The following MRPL37 variants were observed in gnomAD, a reference collection of about 807,000 sequenced individuals.
MRPL37 encodes the protein large ribosomal subunit protein mL37.
In MRPL37, 34 loss-of-function variants were observed where a neutral mutation model predicts 44.1. The observed-to-expected ratio is 0.77, with a 90% CI of 0.59 to 1.03. The LOEUF is 1.03. Among genes scored for constraint, MRPL37 ranks in the 50% least tolerant of loss-of-function variants. The pLI is 0.00. For missense variants in MRPL37, 532 were observed against 543.7 expected (o/e 0.98, Z 0.21); for synonymous variants, 212 against 219.5 (o/e 0.97, Z 0.30).
At chr1:54,223,339 C>A (rs1477487884), downstream of MRPL37, among the ~76,000 whole-genome samples, 7 of 152,216 alleles carry the variant, frequency 4.6e-5, no homozygotes, top group Non-Finnish European at 1.0e-4. Context: ...GGGTCAGAGC[C>A]CTCTGAGGGA....
At chr1:54,216,391 C>T (rs1644197838) in intron 6 of MRPL37, 47 bp downstream of exon 6, 4 of 1,588,188 alleles carry the variant, frequency 2.5e-6, no homozygotes, top group African/African-American at 2.7e-5. Flanking sequence ...CATGCCTCCT[C>T]CTACCTGGTG....
downstream of MRPL37, among the ~76,000 whole-genome samples, chr1:54,219,550 A>G (rs1024637579): frequency 6.6e-6 from 1 of 152,018 alleles, no homozygotes; most frequent in Non-Finnish European, 1.5e-5. Flanking sequence ...CAAGCACCTC[A>G]CCTCCTAGGG....
At chr1:54,218,073 T>TA in intron 6 of MRPL37, 99 bp from the exon 7 acceptor site, 2 of 1,078,162 alleles carry the variant, frequency 1.9e-6, no homozygotes, top group Non-Finnish European at 2.9e-6. Flanking sequence ...AAAAGAAAGT[T>TA]ACTGTCCAGG....
chr1:54,209,913 C>G, intron 3 of MRPL37, 33 bp from the exon 4 acceptor site: 1 of 1,604,196 alleles, frequency 6.2e-7, no homozygotes, highest in Non-Finnish European at 8.5e-7. Context: ...GCCTTTAGTA[C>G]CAGGTTAGAG....
At chr1:54,220,506 T>A (rs1644225585), downstream of MRPL37, 1 of 378,382 alleles carries the variant, frequency 2.6e-6, no homozygotes, top group African/African-American at 2.1e-5. Context: ...GACTGGCGGT[T>A]TTTTTTATTG....
At chr1:54,222,251 GGAGA>G (rs1020233147), downstream of MRPL37, among the ~76,000 whole-genome samples, 3 of 152,196 alleles carry the variant, frequency 2.0e-5, no homozygotes, top group African/African-American at 7.2e-5. Context: ...GGGGACCCAG[GGAGA>G]GAGCTACCCC....
chr1:54,206,706 G>A (rs985822790), intron 3 of MRPL37, among the ~76,000 whole-genome samples: 3 of 151,882 alleles, frequency 2.0e-5, no homozygotes, highest in Admixed American at 2.0e-4. Context: ...CACTGTTCCC[G>A]GCCTAGAATA....
chr1:54,218,323 C>T lies in MRPL37; in HGVS notation c.*74C>T, dbSNP rs1644211771. 2 of 1,609,666 alleles carry T rather than the reference C, an allele frequency of 1.2e-6. No individual in the cohort carries two copies. The highest frequency in any genetic ancestry group is 1.1e-5 in the South Asian group (1 of 90,576). On this transcript the variant is annotated 3_prime_UTR_variant, in exon 7 of 7. Coordinates refer to ENST00000360840, the MANE Select transcript of MRPL37 (RefSeq NM_016491.4). ...GAAGAGGGCCTGGGCCCCGTGGAGC[C>T]TCAGTGCCCGTTTGGCCTGCTGCTC...
chr1:54,200,522 T>G lies in MRPL37; in HGVS notation c.279T>G (p.Leu93=), dbSNP rs1326047057. ...KDPRFYRSPP[L]HEHPLYKDQA... ...CAAGGTTCTACCGCTCGCCCCCTCT[T>G]CACGAGCATCCGCTGTACAAAGACC... Residue 93 remains leucine, a synonymous_variant, in exon 1 of 7, where the codon CTT becomes CTG. Coordinates refer to ENST00000360840, the MANE Select transcript of MRPL37 (RefSeq NM_016491.4). 2.5e-6 allele frequency: 4 copies of G among 1,614,090 alleles called. No homozygotes were observed. Among genetic ancestry groups the G allele is most frequent in the Non-Finnish European group, 3.4e-6 (4 of 1,179,956 alleles).
At chr1:54,223,395 G>A (rs374477625), downstream of MRPL37, among the ~76,000 whole-genome samples, 8 of 152,350 alleles carry the variant, frequency 5.3e-5, no homozygotes, top group East Asian at 7.7e-4. Flanking sequence ...TGTGGAATCT[G>A]GGAACACAGC....
chr1:54,202,003 A>G (rs986083268), intron 1 of MRPL37, among the ~76,000 whole-genome samples: 1 of 147,048 alleles, frequency 6.8e-6, no homozygotes, highest in African/African-American at 2.5e-5. Flanking sequence ...TCCAGAAGTT[A>G]CTTTTTTTTT....
At chr1:54,214,666 C>T (rs1217270385) in intron 5 of MRPL37, among the ~76,000 whole-genome samples, 5 of 152,160 alleles carry the variant, frequency 3.3e-5, no homozygotes, top group African/African-American at 7.2e-5. Flanking sequence ...TGGGTAGCAA[C>T]GATACAACTA....
downstream of MRPL37, among the ~76,000 whole-genome samples, chr1:54,224,709 G>A (rs1048176970): frequency 4.6e-5 from 7 of 151,982 alleles, no homozygotes; most frequent in Non-Finnish European, 2.9e-5. Flanking sequence ...AGAGCTCCAG[G>A]GAAGTACAAA....
chr1:54,209,521 G>C (rs1035529958), intron 3 of MRPL37, among the ~76,000 whole-genome samples: 1 of 148,594 alleles, frequency 6.7e-6, no homozygotes, highest in Admixed American at 6.8e-5. Context: ...GTGCAGTGCC[G>C]TCATCTCAGC....
In MRPL37 at chr1:54,200,208, G is replaced by A; in HGVS notation, c.-36G>A. On this transcript the variant is annotated 5_prime_UTR_variant, in exon 1 of 7. Transcript: ENST00000360840. ...AGGCCCTGCGCGCGGCAACATGGCG[G>A]GGTCCAGGTGGAGGTCTTGAGGCTA... 1.3e-6 allele frequency: 2 copies of A among 1,506,948 alleles called. No homozygotes were observed. The highest frequency in any genetic ancestry group is 1.8e-6 in the Non-Finnish European group (2 of 1,134,748). 93.3% of individuals were successfully genotyped at this position (1,506,948 alleles called of 1,614,324 possible).
In MRPL37 at chr1:54,200,387, G is replaced by A. The variant is rs770494250; in HGVS notation, c.144G>A (p.Arg48=). The part of the protein sequence containing the change: ...TRKSEPPPLD[R]VYEIPGLEPI... ...AGTCGGAGCCTCCTCCCCTGGATAGGGTGTACGAGATCCCTGGACTGGAGC... is the reference window on the plus strand; with the variant it reads ...AGTCGGAGCCTCCTCCCCTGGATAGAGTGTACGAGATCCCTGGACTGGAGC... The change falls in exon 1 of 7, where the codon AGG becomes AGA. Residue 48 remains arginine, a synonymous_variant. Coordinates refer to ENST00000360840, the MANE Select transcript of MRPL37 (RefSeq NM_016491.4). 2.0e-5 allele frequency: 33 copies of A among 1,614,108 alleles called. No homozygotes were observed. The highest frequency in any genetic ancestry group is 4.0e-5 in the African/African-American group (3 of 74,950).
chr1:54,225,381 A>G (rs1046253330), downstream of MRPL37: 1 of 1,234,010 alleles, frequency 8.1e-7, no homozygotes, highest in East Asian at 3.2e-5. Flanking sequence ...TGCATTTTGT[A>G]ATCAGTGTAA....
intron 3 of MRPL37, among the ~76,000 whole-genome samples, chr1:54,206,144 G>T (rs879303134): frequency 6.6e-6 from 1 of 151,680 alleles, no homozygotes; most frequent in Admixed American, 6.6e-5. Context: ...ACGGAGTCTC[G>T]CTCTGTCACC....
intron 1 of MRPL37, among the ~76,000 whole-genome samples, chr1:54,204,331 G>A (rs370109045): frequency 1.3e-5 from 2 of 152,020 alleles, no homozygotes; most frequent in African/African-American, 4.8e-5. Flanking sequence ...GTGGTGAGCC[G>A]AGATCATGCT....
Sources: gnomAD v4.1 joint callset for allele counts (sites outside exome capture counted in the v4.1 genomes callset) on GRCh38, gnomAD v4.1.1 for gene constraint, MANE v1.5 for transcripts, NCBI Gene and HGNC (gene_info 2026-07-23, HGNC 2026-07-21) for gene names.